The following RALYL variants were observed in gnomAD, a reference collection of about 807,000 sequenced individuals.
RALYL encodes the protein RALY RNA binding protein like, also known as RNA-binding Raly-like protein.
RALYL carries 29 observed loss-of-function variants against 35.1 expected under a neutral mutation model. The ratio of observed to expected loss-of-function variants is 0.83; its 90% CI spans 0.61 to 1.13. The LOEUF (loss-of-function observed/expected upper bound fraction) is 1.13, where lower values mean the gene tolerates loss of function less well. Among genes scored for constraint, RALYL ranks in the 50% most tolerant of loss-of-function variants. The probability of loss-of-function intolerance (pLI) is 0.00; values close to 1 mark genes in which losing one functional copy is unlikely to be tolerated. For missense variants in RALYL, 359 were observed against 360.4 expected, an observed-to-expected ratio of 1.00 and a Z score of 0.03; for synonymous variants, 120 against 127.6, an observed-to-expected ratio of 0.94 and a Z score of 0.40.
At chr8:84,789,296 A>G (rs1047183724) in intron 3 of RALYL, among the ~76,000 whole-genome samples, 2 of 152,212 alleles carry the variant, frequency 1.3e-5, no homozygotes, top group African/African-American at 4.8e-5. Context: ...ACAGATAATC[A>G]AGAGTGAAAA....
At chr8:84,658,816 G>A (rs768094861) in intron 2 of RALYL, among the ~76,000 whole-genome samples, 7 of 152,042 alleles carry the variant, frequency 4.6e-5, no homozygotes, top group Non-Finnish European at 2.9e-5. Flanking sequence ...AGAGGAATTG[G>A]GGTAGGGAAA....
chr8:84,619,902 A>G (rs905523515), intron 2 of RALYL, among the ~76,000 whole-genome samples: 11 of 150,988 alleles, frequency 7.3e-5, no homozygotes, highest in South Asian at 2.1e-4. Flanking sequence ...TCTTTTCTTT[A>G]AGAATGTTGA....
intron 4 of RALYL, among the ~76,000 whole-genome samples, chr8:84,840,597 A>C (rs1049546273): frequency 1.3e-5 from 2 of 152,156 alleles, no homozygotes; most frequent in Non-Finnish European, 2.9e-5. Context: ...CCAACATTCA[A>C]ATTCAGGAAA....
intron 1 of RALYL, among the ~76,000 whole-genome samples, chr8:84,256,252 T>C (rs1831190320): frequency 6.6e-6 from 1 of 152,176 alleles, no homozygotes; most frequent in Non-Finnish European, 1.5e-5. Flanking sequence ...GTTATGTATA[T>C]GCAAAAATAT....
intron 1 of RALYL, among the ~76,000 whole-genome samples, chr8:84,315,418 T>A (rs748827335): frequency 6.6e-6 from 1 of 152,138 alleles, no homozygotes; most frequent in Non-Finnish European, 1.5e-5. Flanking sequence ...AGAACATTTG[T>A]ACATATTTGT....
intron 1 of RALYL, among the ~76,000 whole-genome samples, chr8:84,250,510 T>G (rs1421769841): frequency 6.6e-6 from 1 of 151,980 alleles, no homozygotes; most frequent in African/African-American, 2.4e-5. Flanking sequence ...GGATTACAAG[T>G]GTCCACCACC....
At chr8:84,805,778 G>A (rs1330087925) in intron 4 of RALYL, among the ~76,000 whole-genome samples, 2 of 152,150 alleles carry the variant, frequency 1.3e-5, no homozygotes, top group African/African-American at 2.4e-5. Flanking sequence ...CTAAGAATAA[G>A]CAATGTTGTT....
chr8:84,707,898 G>T (rs1261256895), intron 2 of RALYL, among the ~76,000 whole-genome samples: 1 of 152,018 alleles, frequency 6.6e-6, no homozygotes, highest in Non-Finnish European at 1.5e-5. Flanking sequence ...CCAAAATCCA[G>T]GGCATTTCCA....
chr8:84,662,561 G>A (rs571904627), intron 2 of RALYL, among the ~76,000 whole-genome samples: 6 of 152,174 alleles, frequency 3.9e-5, no homozygotes, highest in Middle Eastern at 3.4e-3. Context: ...AAAATAATCC[G>A]AGGTTGGAAA....
In RALYL at chr8:84,368,645, G is replaced by A. The variant is rs571751352; in HGVS notation, c.-23-160654G>A. 5.9e-5 allele frequency among the ~76,000 whole-genome samples: 9 copies of A among 152,240 alleles called. No individual in the cohort carries two copies. In the South Asian group the frequency reaches 1.7e-3, roughly 28 times the overall value. On this transcript the variant is annotated intron_variant, in intron 1 of 8. Coordinates refer to ENST00000521268, the MANE Select transcript of RALYL (RefSeq NM_173848.7). ...AGACAAGATAAGAGAACTTGTGCAGGGAAATTTACTCCCCCTTATAAAGCC... is the reference window on the plus strand; with the variant it reads ...AGACAAGATAAGAGAACTTGTGCAGAGAAATTTACTCCCCCTTATAAAGCC...
intron 2 of RALYL, among the ~76,000 whole-genome samples, chr8:84,742,870 C>A (rs1314730589): frequency 6.6e-6 from 1 of 151,894 alleles, no homozygotes; most frequent in Non-Finnish European, 1.5e-5. Context: ...GGATAGTTGT[C>A]CTAATTTCTT....
chr8:84,757,165 T>C (rs1220468721), intron 2 of RALYL, among the ~76,000 whole-genome samples: 1 of 152,148 alleles, frequency 6.6e-6, no homozygotes, highest in East Asian at 1.9e-4. Context: ...ATATTTTTGA[T>C]AACCTATGAA....
chr8:84,471,272 A>G lies in RALYL; in HGVS notation c.-23-58027A>G, dbSNP rs374869242. ...ATTAGCTCTTTGTTTAGGCTTTTTC[A>G]AAAAAGATAGAAAACAACAACAACA... is the stretch of plus-strand genomic sequence containing the variant. On this transcript the variant is annotated intron_variant, in intron 1 of 8. Coordinates refer to ENST00000521268, the MANE Select transcript of RALYL (RefSeq NM_173848.7). Among the ~76,000 whole-genome samples, 566 of 152,198 alleles carry G rather than the reference A, an allele frequency of 3.7e-3. 6 individuals carry two copies. In the South Asian group the frequency reaches 0.041, roughly 11 times the overall value.
intron 2 of RALYL, among the ~76,000 whole-genome samples, chr8:84,557,570 AAT>A (rs1402822790): frequency 6.6e-6 from 1 of 152,232 alleles, no homozygotes; most frequent in African/African-American, 2.4e-5. Context: ...CATTTATTAC[AAT>A]ATGTTAATTA....
chr8:84,577,620 A>C (rs1009986201), intron 2 of RALYL, among the ~76,000 whole-genome samples: 1 of 152,080 alleles, frequency 6.6e-6, no homozygotes, highest in East Asian at 1.9e-4. Flanking sequence ...TTTTTTAAAC[A>C]GTTTTCAAGA....
At chr8:84,519,005 A>G (rs1320029330) in intron 1 of RALYL, among the ~76,000 whole-genome samples, 2 of 152,192 alleles carry the variant, frequency 1.3e-5, no homozygotes, top group Non-Finnish European at 2.9e-5. Context: ...AATAAGAGGG[A>G]TACAGCAGAG....
intron 2 of RALYL, among the ~76,000 whole-genome samples, chr8:84,546,061 T>C (rs1216897974): frequency 6.6e-6 from 1 of 152,124 alleles, no homozygotes; most frequent in African/African-American, 2.4e-5. Context: ...GTGTGTGTAC[T>C]GTATGTGAGA....
intron 5 of RALYL, among the ~76,000 whole-genome samples, chr8:84,857,679 A>G (rs2134973889): frequency 6.6e-6 from 1 of 152,254 alleles, no homozygotes; most frequent in Non-Finnish European, 1.5e-5. Flanking sequence ...AGACCATTTA[A>G]CAGGCCTGAG....
intron 3 of RALYL, among the ~76,000 whole-genome samples, chr8:84,782,016 G>C (rs1396790344): frequency 1.4e-5 from 2 of 139,120 alleles, no homozygotes; most frequent in African/African-American, 5.6e-5. Flanking sequence ...ATACGTGCAT[G>C]CTGTGCACAC....
Sources: allele counts gnomAD v4.1 joint callset (sites outside exome capture counted in the v4.1 genomes callset), GRCh38; gene constraint gnomAD v4.1.1; transcripts MANE v1.5; gene names NCBI Gene and HGNC (gene_info 2026-07-23, HGNC 2026-07-21).